DLGAP2: variants seen among roughly 807,000 people sequenced by gnomAD.
DLGAP2 encodes DLG associated protein 2.
In DLGAP2, 26 loss-of-function variants were observed where a neutral mutation model predicts 100.3. The ratio of observed to expected loss-of-function variants is 0.26; its 90% confidence interval spans 0.19 to 0.36. DLGAP2 has a LOEUF of 0.36. DLGAP2 is among the 10% of genes least tolerant of loss of function. The pLI is 1.00. For missense variants in DLGAP2, 1,858 were observed against 1,453.2 expected, an observed-to-expected ratio of 1.28 and a Z score of -4.53; for synonymous variants, 886 against 630.1, an observed-to-expected ratio of 1.41 and a Z score of -6.08.
chr8:1,595,269 T>A (rs545767466), intron 6 of DLGAP2, among the ~76,000 whole-genome samples: 32 of 152,078 alleles, frequency 2.1e-4, no homozygotes, highest in Admixed American at 5.2e-4. Context: ...GGGCTTTTTT[T>A]AAATATATAT....
chr8:809,091 G>A (rs1038900990), intron 1 of DLGAP2, among the ~76,000 whole-genome samples: 3 of 151,888 alleles, frequency 2.0e-5, no homozygotes, highest in African/African-American at 7.3e-5. Flanking sequence ...ATTTTTAGTA[G>A]ACAGGATTTC....
chr8:1,539,773 G>T (rs959695988), intron 4 of DLGAP2, among the ~76,000 whole-genome samples: 4 of 152,196 alleles, frequency 2.6e-5, no homozygotes, highest in Admixed American at 1.3e-4. Flanking sequence ...AAGACCTTCT[G>T]TGTGGATGTG....
At chr8:777,296 C>G (rs1419423665) in intron 1 of DLGAP2, among the ~76,000 whole-genome samples, 27 of 150,934 alleles carry the variant, frequency 1.8e-4, no homozygotes, top group Non-Finnish European at 3.3e-4. Context: ...GGTCTTGACT[C>G]TTTATCCAAT....
intron 2 of DLGAP2, among the ~76,000 whole-genome samples, chr8:1,241,758 A>G (rs923028534): frequency 3.3e-5 from 5 of 150,930 alleles, no homozygotes; most frequent in African/African-American, 4.9e-5. Context: ...AAAAAAAACT[A>G]ATAAATTCTG....
chr8:1,551,038 A>G (rs1263989667), intron 5 of DLGAP2, among the ~76,000 whole-genome samples: 1 of 152,230 alleles, frequency 6.6e-6, no homozygotes, highest in Non-Finnish European at 1.5e-5. Flanking sequence ...CGTGGTGGCA[A>G]ATCCTTCCAG....
chr8:1,549,932 T>C (rs1048264096), intron 5 of DLGAP2, among the ~76,000 whole-genome samples: 36 of 152,318 alleles, frequency 2.4e-4, no homozygotes, highest in African/African-American at 8.2e-4. Flanking sequence ...CAATACGTGG[T>C]TGTTAACTGC....
chr8:750,799 T>C (rs1820770076), intron 1 of DLGAP2, among the ~76,000 whole-genome samples: 1 of 152,240 alleles, frequency 6.6e-6, no homozygotes, highest in Non-Finnish European at 1.5e-5. Context: ...GAGATGTAGA[T>C]TCCCTATTTC....
chr8:1,359,717 C>T (rs937305171), intron 3 of DLGAP2, among the ~76,000 whole-genome samples: 1 of 152,240 alleles, frequency 6.6e-6, no homozygotes, highest in Admixed American at 6.5e-5. Context: ...TTATAAAACC[C>T]GCGCGTTCCC....
intron 3 of DLGAP2, among the ~76,000 whole-genome samples, chr8:1,288,475 T>C (rs1463457024): frequency 7.9e-6 from 1 of 125,936 alleles, no homozygotes; most frequent in Non-Finnish European, 1.6e-5. Flanking sequence ...GGGAACTTGT[T>C]TCAGTTCAGT....
At chr8:1,263,230 A>C (rs1470902525) in intron 3 of DLGAP2, among the ~76,000 whole-genome samples, 1 of 152,148 alleles carries the variant, frequency 6.6e-6, no homozygotes, top group Non-Finnish European at 1.5e-5. Context: ...TATATATTGG[A>C]TTATTTGGGT....
intron 5 of DLGAP2, among the ~76,000 whole-genome samples, chr8:1,555,614 C>T (rs1023576330): frequency 6.6e-6 from 1 of 152,140 alleles, no homozygotes; most frequent in Admixed American, 6.5e-5. Flanking sequence ...TGGGCCTGTG[C>T]CTTCGAGCCT....
intron 3 of DLGAP2, among the ~76,000 whole-genome samples, chr8:1,427,348 A>G (rs1476142458): frequency 6.6e-6 from 1 of 152,246 alleles, no homozygotes; most frequent in Non-Finnish European, 1.5e-5. Flanking sequence ...TGTAGAATAA[A>G]CACTCTTTTT....
intron 1 of DLGAP2, among the ~76,000 whole-genome samples, chr8:897,165 C>G (rs1798158096): frequency 6.6e-6 from 1 of 152,124 alleles, no homozygotes; most frequent in Admixed American, 6.5e-5. Context: ...CATGGAGATG[C>G]TGGAATCTCG....
intron 3 of DLGAP2, among the ~76,000 whole-genome samples, chr8:1,493,601 A>C (rs185111521): frequency 9.6e-4 from 146 of 152,314 alleles, no homozygotes; most frequent in Non-Finnish European, 1.8e-3. Context: ...CGTTGGTTTA[A>C]TGGTGAAGGC....
chr8:977,236 C>T (rs1161932324), intron 2 of DLGAP2, among the ~76,000 whole-genome samples: 5 of 152,242 alleles, frequency 3.3e-5, no homozygotes, highest in Non-Finnish European at 7.3e-5. Flanking sequence ...TTGCCTCTGT[C>T]TGTACCTGGT....
intron 3 of DLGAP2, among the ~76,000 whole-genome samples, chr8:1,356,334 G>T (rs1801849920): frequency 6.6e-6 from 1 of 152,322 alleles, no homozygotes; most frequent in African/African-American, 2.4e-5. Flanking sequence ...ACGTTTACAG[G>T]CAGTAAAACA....
intron 2 of DLGAP2, among the ~76,000 whole-genome samples, chr8:1,052,578 A>G (rs1802751151): frequency 6.6e-6 from 1 of 152,156 alleles, no homozygotes; most frequent in South Asian, 2.1e-4. Context: ...TCCCTGGAAG[A>G]GGTGGCATTT....
chr8:976,430 T>G (rs954579904), intron 2 of DLGAP2, among the ~76,000 whole-genome samples: 4 of 151,890 alleles, frequency 2.6e-5, no homozygotes, highest in Non-Finnish European at 4.4e-5. Context: ...GCCAACATGG[T>G]AAAACCCCAT....
At chr8:1,053,135 G>A (rs1216996521) in intron 2 of DLGAP2, among the ~76,000 whole-genome samples, 3 of 152,314 alleles carry the variant, frequency 2.0e-5, no homozygotes, top group Non-Finnish European at 4.4e-5. Context: ...GGTGCTGTAC[G>A]TTTTGCTTTG....
Sources: allele counts gnomAD v4.1 joint callset (sites outside exome capture counted in the v4.1 genomes callset), GRCh38; gene constraint gnomAD v4.1.1; transcripts MANE v1.5; gene names NCBI Gene and HGNC (gene_info 2026-07-23, HGNC 2026-07-21).